Variants in PPFIBP1 observed in about 807,000 individuals in gnomAD.
PPFIBP1 encodes liprin-beta-1.
PPFIBP1 carries 112 observed loss-of-function variants against 137.8 expected under a neutral mutation model. The observed-to-expected ratio is 0.81, with a 90% CI of 0.70 to 0.95. The LOEUF is 0.95. Ranked by LOEUF, PPFIBP1 falls within the 40% of genes least tolerant of loss-of-function variation. The pLI is 0.00. For missense variants in PPFIBP1, 1,083 were observed against 1,196.6 expected (o/e 0.91, Z 1.40); for synonymous variants, 378 against 417.3 (o/e 0.91, Z 1.15).
At chr12:27,627,479 A>C (rs1649787524) in intron 2 of PPFIBP1, among the ~76,000 whole-genome samples, 1 of 152,186 alleles carries the variant, frequency 6.6e-6, no homozygotes, top group South Asian at 2.1e-4. Context: ...AATTGTATCT[A>C]TCTTGGGTAA....
chr12:27,690,534 C>A (rs924019935), intron 27 of PPFIBP1, among the ~76,000 whole-genome samples: 2 of 152,162 alleles, frequency 1.3e-5, no homozygotes, highest in African/African-American at 4.8e-5. Context: ...TCCAGTAGTT[C>A]AAGGCTGCAA....
Position 27,689,221 on chromosome 12 carries a change from CG to C in PPFIBP1, c.2685+20del. Reference sequence around the variant, plus strand: ...AAGTGAAGGTTGGTTCAGGCTCATACGGTTTAATAATTGCTTGGCGCAAAGG... The same window carrying C: ...AAGTGAAGGTTGGTTCAGGCTCATACGTTTAATAATTGCTTGGCGCAAAGG... On this transcript the variant is annotated intron_variant, in intron 27 of 29. Coordinates refer to ENST00000228425, the MANE Select transcript of PPFIBP1 (RefSeq NM_003622.4). 1 of 1,523,262 alleles carries C rather than the reference CG, an allele frequency of 6.6e-7. No homozygotes were observed. 94.4% of individuals were successfully genotyped at this position (1,523,262 alleles called of 1,614,324 possible).
chr12:27,599,882 T>C (rs141634041), intron 2 of PPFIBP1, among the ~76,000 whole-genome samples: 3,315 of 152,170 alleles, frequency 0.022, 315 homozygotes, highest in Admixed American at 0.17. Context: ...TACAAGAGAC[T>C]AAGGAGAAGG....
In PPFIBP1 at chr12:27,692,876, C is replaced by G; in HGVS notation, c.3012C>G (p.Asn1004Lys). 6.2e-7 allele frequency: 1 copy of G among 1,614,106 alleles called. No homozygotes were observed. Among genetic ancestry groups the G allele is most frequent in the East Asian group, 2.2e-5 (1 of 44,878 alleles). The change falls in exon 30 of 30, where the codon AAC (asparagine) becomes AAG (lysine). Residue 1004 changes from asparagine to lysine, a missense_variant. Asn to Lys is a moderately conservative substitution (Grantham distance 94). Transcript: ENST00000228425. The part of the protein sequence containing the change: ...PSASITDEDS[N>K]V ...CCAGCATTACAGATGAAGACTCAAA[C>G]GTTTGACCGTAGCACCTGGATGAAC...
intron 4 of PPFIBP1, among the ~76,000 whole-genome samples, chr12:27,641,395 C>T (rs956915497): frequency 2.0e-5 from 3 of 151,968 alleles, no homozygotes; most frequent in African/African-American, 7.3e-5. Context: ...CCAATAGAAC[C>T]CAGAAAATCA....
At chr12:27,596,329 T>G (rs529868298) in intron 2 of PPFIBP1, among the ~76,000 whole-genome samples, 4 of 152,258 alleles carry the variant, frequency 2.6e-5, no homozygotes, top group Non-Finnish European at 4.4e-5. Flanking sequence ...TAAGGAATTC[T>G]GATGACATGA....
rs190382759 is a variant in PPFIBP1 at position 27,694,014 on chromosome 12, G to C, written c.*1132G>C. The C allele has an allele frequency of 4.0e-3, 610 of 151,958 alleles. 1 individual carries two copies. The highest frequency in any genetic ancestry group is 6.4e-3 in the Non-Finnish European group (434 of 68,022). The allele number at this position is 151,958 out of a possible 1,614,324, so 9.4% of individuals were successfully genotyped here. A position where few individuals can be genotyped will look rare whatever the true frequency, so the allele number is the denominator to read the frequency against. On this transcript the variant is annotated 3_prime_UTR_variant, in exon 30 of 30. Coordinates refer to ENST00000228425, the MANE Select transcript of PPFIBP1 (RefSeq NM_003622.4). The stretch of plus-strand genomic sequence containing the variant: ...TTATTATTGTTTTTTTTTAGTGACA[G>C]AGTCTCATTCTGTTGCCCATGCTGG...
rs1383654704 is a variant in PPFIBP1, at chr12:27,656,811, T to C, written c.811+81T>C. On this transcript the variant is annotated intron_variant, in intron 9 of 29. Coordinates refer to ENST00000228425, the MANE Select transcript of PPFIBP1 (RefSeq NM_003622.4). The stretch of plus-strand genomic sequence containing the variant: ...TGTAAAGGAAACCAATGAAAATCAA[T>C]GTGTAGTTTTAGCATCAAAGAAAGA... 1.3e-5 allele frequency: 13 copies of C among 968,422 alleles called. No homozygotes were observed. In the Admixed American group the frequency reaches 2.4e-4, roughly 18 times the overall value. The allele number at this position is 968,422 out of a possible 1,614,324, so 60.0% of individuals were successfully genotyped here.
intron 1 of PPFIBP1, among the ~76,000 whole-genome samples, chr12:27,574,436 A>G (rs993032352): frequency 1.3e-5 from 2 of 152,172 alleles, no homozygotes; most frequent in African/African-American, 4.8e-5. Context: ...CTTACTTACC[A>G]AGGAAAAGAT....
intron 1 of PPFIBP1, among the ~76,000 whole-genome samples, chr12:27,564,100 TG>T (rs1158325114): frequency 1.3e-5 from 2 of 152,158 alleles, no homozygotes; most frequent in Non-Finnish European, 2.9e-5. Flanking sequence ...CTCGAACTCC[TG>T]ACCTTGTGAT....
At chr12:27,603,305 G>A (rs1365594829) in intron 2 of PPFIBP1, among the ~76,000 whole-genome samples, 1 of 152,158 alleles carries the variant, frequency 6.6e-6, no homozygotes, top group Non-Finnish European at 1.5e-5. Context: ...TCTTTGCAGA[G>A]TTTTTGAAAT....
At position 27,604,910 on chromosome 12, in the gene PPFIBP1, G is replaced by A. The variant is rs114457558; in HGVS notation, c.-36+26671G>A. Among the ~76,000 whole-genome samples the A allele has an allele frequency of 9.8e-3, 1,494 of 152,252 alleles. 31 individuals carry two copies. The highest frequency in any genetic ancestry group is 0.034 in the African/African-American group (1,416 of 41,536). ...ACAAGTCACATCTTACATGGATGGCGGGAAGCAAAGAGAGAGCTTGTGCAG... is the reference window on the plus strand; with the variant it reads ...ACAAGTCACATCTTACATGGATGGCAGGAAGCAAAGAGAGAGCTTGTGCAG... On this transcript the variant is annotated intron_variant, in intron 2 of 29. Coordinates refer to ENST00000228425, the MANE Select transcript of PPFIBP1 (RefSeq NM_003622.4).
intron 2 of PPFIBP1, among the ~76,000 whole-genome samples, chr12:27,580,973 T>C (rs2051047331): frequency 6.6e-6 from 1 of 152,112 alleles, no homozygotes; most frequent in Non-Finnish European, 1.5e-5. Context: ...TACAGTGATG[T>C]GATCCTTGCT....
chr12:27,589,071 TC>T, intron 2 of PPFIBP1, among the ~76,000 whole-genome samples: 1 of 152,308 alleles, frequency 6.6e-6, no homozygotes, highest in Middle Eastern at 3.4e-3. Context: ...AAAGATCGAC[TC>T]CAGGTAATGC....
chr12:27,604,905 A>T (rs1178226474), intron 2 of PPFIBP1, among the ~76,000 whole-genome samples: 1 of 152,196 alleles, frequency 6.6e-6, no homozygotes, highest in African/African-American at 2.4e-5. Flanking sequence ...TCTTACATGG[A>T]TGGCGGGAAG....
At chr12:27,547,642 G>A (rs1158102663) in intron 1 of PPFIBP1, 2 of 152,358 alleles carry the variant, frequency 1.3e-5, no homozygotes, top group Non-Finnish European at 2.9e-5. Context: ...CAGAGGAGAA[G>A]CTGACTGGCA....
intron 2 of PPFIBP1, among the ~76,000 whole-genome samples, chr12:27,585,254 T>C (rs1047401935): frequency 1.3e-5 from 2 of 152,246 alleles, no homozygotes; most frequent in Non-Finnish European, 2.9e-5. Context: ...TGTAAGTCAC[T>C]TTGTACTATA....
chr12:27,571,392 T>A (rs1229498532), intron 1 of PPFIBP1, among the ~76,000 whole-genome samples: 1 of 152,182 alleles, frequency 6.6e-6, no homozygotes, highest in East Asian at 1.9e-4. Context: ...AATTGCCAAT[T>A]TACCCACCGA....
At chr12:27,668,608 T>TTA (rs2140117973) in intron 13 of PPFIBP1, among the ~76,000 whole-genome samples, 1 of 152,340 alleles carries the variant, frequency 6.6e-6, no homozygotes, top group South Asian at 2.1e-4. Context: ...CTCTGTTCCT[T>TTA]TGAGTCTAAT....
Sources: allele counts gnomAD v4.1 joint callset (sites outside exome capture counted in the v4.1 genomes callset), GRCh38; gene constraint gnomAD v4.1.1; transcripts MANE v1.5; gene names NCBI Gene and HGNC (gene_info 2026-07-23, HGNC 2026-07-21).